LRRC4C: variants seen among roughly 807,000 people sequenced by gnomAD.
LRRC4C encodes leucine rich repeat containing 4C, also known as leucine-rich repeat-containing protein 4C.
In LRRC4C, 5 loss-of-function variants were observed where a neutral mutation model predicts 33.6. That is an observed-to-expected ratio of 0.15 (90% CI 0.08 to 0.31). The LOEUF is 0.31. LRRC4C is among the 10% of genes least tolerant of loss of function. The pLI is 1.00. For synonymous variants in LRRC4C, 329 were observed against 302.0 expected (o/e 1.09, Z -0.93); for missense variants, 560 against 796.7 (o/e 0.70, Z 3.58).
At chr11:40,629,606 GTTAAC>G (rs1475928864) in intron 3 of LRRC4C, among the ~76,000 whole-genome samples, 2 of 152,144 alleles carry the variant, frequency 1.3e-5, no homozygotes, top group Admixed American at 6.5e-5. Flanking sequence ...GTCATGCACA[GTTAAC>G]TTAAGTCTCT....
intron 1 of LRRC4C, among the ~76,000 whole-genome samples, chr11:41,214,801 A>G (rs1946981193): frequency 1.4e-5 from 2 of 146,272 alleles, no homozygotes. Flanking sequence ...GTGTGTATAT[A>G]TATGTGTGTG....
At chr11:41,372,648 A>T (rs1386199581) in intron 1 of LRRC4C, among the ~76,000 whole-genome samples, 1 of 152,072 alleles carries the variant, frequency 6.6e-6, no homozygotes, top group Non-Finnish European at 1.5e-5. Flanking sequence ...TCTGAGCCTA[A>T]CCCCATCTCT....
rs763291636 is a variant in LRRC4C at position 40,984,409 on chromosome 11, AAGAAAG to A, written c.-495-50692_-495-50687del. Among the ~76,000 whole-genome samples, 345 of 83,886 alleles carry A rather than the reference AAGAAAG, an allele frequency of 4.1e-3. 5 individuals carry two copies. The highest frequency in any genetic ancestry group is 0.012 in the African/African-American group (310 of 26,822). 55.0% of individuals were successfully genotyped at this position (83,886 alleles called of 152,430 possible). ...AAAGAAAGAAAGAAAGAAAGAAAGA[AAGAAAG>A]AGAAAGAAAGAAAGAGAAAAAGAAA... On this transcript the variant is annotated intron_variant, in intron 1 of 6. Coordinates refer to ENST00000528697, the MANE Select transcript of LRRC4C (RefSeq NM_001258419.2).
intron 2 of LRRC4C, among the ~76,000 whole-genome samples, chr11:40,876,677 G>A (rs900781859): frequency 6.6e-6 from 1 of 151,890 alleles, no homozygotes; most frequent in African/African-American, 2.4e-5. Flanking sequence ...GGCCAAGGCG[G>A]GCAGATCATG....
intron 3 of LRRC4C, among the ~76,000 whole-genome samples, chr11:40,571,276 T>A (rs1442469473): frequency 1.3e-5 from 2 of 152,146 alleles, no homozygotes; most frequent in African/African-American, 2.4e-5. Context: ...ATTTGAAAAG[T>A]AAAAGCTAAC....
chr11:40,738,793 G>C (rs1207122593), intron 2 of LRRC4C, among the ~76,000 whole-genome samples: 1 of 151,888 alleles, frequency 6.6e-6, no homozygotes, highest in African/African-American at 2.4e-5. Context: ...TTTTCCCTTA[G>C]CATTGTAACT....
chr11:41,204,225 C>T (rs1454984704), intron 1 of LRRC4C, among the ~76,000 whole-genome samples: 2 of 152,194 alleles, frequency 1.3e-5, no homozygotes, highest in Non-Finnish European at 2.9e-5. Context: ...AGATTATCCA[C>T]ACAAGCATTT....
rs189339416 is a variant in LRRC4C, at chr11:40,296,253, A to G, written c.-176+23375T>C. Among the ~76,000 whole-genome samples the G allele has an allele frequency of 1.1e-4, 16 of 152,316 alleles. No homozygotes were observed. The East Asian group carries it at 3.1e-3, about 29-fold the overall frequency. ...TTACCCACATCATTGACTCATTCAC[A>G]CTATATGACCTTGAATTCGTCACAT... On this transcript the variant is annotated intron_variant, in intron 4 of 6. Coordinates refer to ENST00000528697, the MANE Select transcript of LRRC4C (RefSeq NM_001258419.2).
chr11:40,900,111 T>C (rs570657901), intron 2 of LRRC4C, among the ~76,000 whole-genome samples: 2 of 152,140 alleles, frequency 1.3e-5, no homozygotes, highest in Non-Finnish European at 2.9e-5. Context: ...TTGGCATTCT[T>C]ATACTAATTA....
At chr11:40,229,473 A>G (rs929666423) in intron 5 of LRRC4C, among the ~76,000 whole-genome samples, 3 of 151,894 alleles carry the variant, frequency 2.0e-5, no homozygotes, top group Non-Finnish European at 1.5e-5. Context: ...GGGTTTTACC[A>G]TGTTGGCCGG....
intron 1 of LRRC4C, among the ~76,000 whole-genome samples, chr11:41,304,055 GC>G (rs1254398795): frequency 1.7e-5 from 1 of 59,832 alleles, no homozygotes; most frequent in Non-Finnish European, 4.1e-5. Flanking sequence ...TGGGGGGTCA[GC>G]CCCCCGCCCA....
At chr11:40,392,164 T>C (rs920371919) in intron 3 of LRRC4C, among the ~76,000 whole-genome samples, 1 of 152,144 alleles carries the variant, frequency 6.6e-6, no homozygotes, top group African/African-American at 2.4e-5. Flanking sequence ...GCAGGAGGGA[T>C]GAATAGTTGG....
intron 5 of LRRC4C, among the ~76,000 whole-genome samples, chr11:40,197,768 A>C (rs939415496): frequency 2.6e-5 from 4 of 152,182 alleles, no homozygotes; most frequent in Admixed American, 6.5e-5. Context: ...GTTTTATCTC[A>C]ACAACATTTC....
chr11:40,863,120 C>T (rs1263284262), intron 2 of LRRC4C, among the ~76,000 whole-genome samples: 1 of 152,210 alleles, frequency 6.6e-6, no homozygotes, highest in African/African-American at 2.4e-5. Context: ...AAAGACTGAG[C>T]AGAGCTAATA....
chr11:40,783,681 C>A (rs1950304738), intron 2 of LRRC4C, among the ~76,000 whole-genome samples: 1 of 151,974 alleles, frequency 6.6e-6, no homozygotes. Flanking sequence ...CACTTGATTG[C>A]AACAGTTTTG....
chr11:41,176,624 T>G (rs1945209471), intron 1 of LRRC4C, among the ~76,000 whole-genome samples: 1 of 152,134 alleles, frequency 6.6e-6, no homozygotes, highest in African/African-American at 2.4e-5. Flanking sequence ...ATACTATATC[T>G]AATAGTTATA....
chr11:40,284,084 A>G (rs555003220), intron 4 of LRRC4C, among the ~76,000 whole-genome samples: 1 of 152,308 alleles, frequency 6.6e-6, no homozygotes, highest in East Asian at 1.9e-4. Flanking sequence ...GCTATCACAA[A>G]TATATGAACA....
intron 3 of LRRC4C, among the ~76,000 whole-genome samples, chr11:40,488,274 G>GT (rs112513529): frequency 4.6e-5 from 7 of 151,298 alleles, no homozygotes; most frequent in African/African-American, 1.7e-4. Flanking sequence ...CATACAGGGT[G>GT]TTTTTTTCCC....
At chr11:40,474,160 A>T (rs1292010280) in intron 3 of LRRC4C, among the ~76,000 whole-genome samples, 1 of 152,144 alleles carries the variant, frequency 6.6e-6, no homozygotes, top group South Asian at 2.1e-4. Context: ...TCCTAAGCAA[A>T]AAAACAAAGC....
Sources: allele counts gnomAD v4.1 joint callset (sites outside exome capture counted in the v4.1 genomes callset), GRCh38; gene constraint gnomAD v4.1.1; transcripts MANE v1.5; gene names NCBI Gene and HGNC (gene_info 2026-07-23, HGNC 2026-07-21).